CLYBL: variants seen among roughly 807,000 people sequenced by gnomAD.
The protein encoded by CLYBL is citramalyl-CoA lyase, mitochondrial.
CLYBL carries 31 observed loss-of-function variants against 38.9 expected under a neutral mutation model. The ratio of observed to expected loss-of-function variants is 0.80; its 90% CI spans 0.60 to 1.08. CLYBL has a LOEUF of 1.08. Among genes scored for constraint, CLYBL ranks in the 50% least tolerant of loss-of-function variants. The pLI is 0.00. For synonymous variants in CLYBL, 171 were observed against 158.6 expected (o/e 1.08, Z -0.59); for missense variants, 434 against 411.6 (o/e 1.05, Z -0.47).
At chr13:99,833,709 T>TA (rs1555315037) in intron 2 of CLYBL, among the ~76,000 whole-genome samples, 2 of 144,992 alleles carry the variant, frequency 1.4e-5, no homozygotes, top group African/African-American at 2.6e-5. Flanking sequence ...TTTTTTTTTT[T>TA]AGATGGAGTC....
rs34558107 is a variant in CLYBL, at chr13:99,668,273, T to TAAA, written c.62+61526_62+61528dup. Among the ~76,000 whole-genome samples, 303 of 146,034 alleles carry TAAA rather than the reference T, an allele frequency of 2.1e-3. 6 individuals carry two copies. The highest frequency in any genetic ancestry group is 9.4e-3 in the South Asian group (43 of 4,594). On this transcript the variant is annotated intron_variant, in intron 1 of 8. Coordinates refer to ENST00000339105, the MANE Select transcript of CLYBL (RefSeq NM_206808.5). The stretch of plus-strand genomic sequence containing the variant: ...TGGGCGACAGAGTGAGCCCTTGTCT[T>TAAA]AAAAAAAAAAAATCTTTAATAGAAC...
At chr13:99,725,123 C>T (rs1459343202) in intron 1 of CLYBL, among the ~76,000 whole-genome samples, 1 of 152,208 alleles carries the variant, frequency 6.6e-6, no homozygotes, top group African/African-American at 2.4e-5. Context: ...GCACTGCAGA[C>T]AGCTCTCTAA....
intron 2 of CLYBL, among the ~76,000 whole-genome samples, chr13:99,790,216 A>G (rs2049887027): frequency 6.6e-6 from 1 of 152,050 alleles, no homozygotes; most frequent in Admixed American, 6.6e-5. Context: ...TAATATTGTT[A>G]TGTGTGAATT....
In CLYBL at chr13:99,643,616, G is replaced by T. The variant is rs537652293; in HGVS notation, c.62+36859G>T. Among the ~76,000 whole-genome samples the T allele has an allele frequency of 2.6e-5, 4 of 152,306 alleles. No individual in the cohort carries two copies. The East Asian group carries it at 7.7e-4, about 29-fold the overall frequency. ...TACCACTTACTATTCTGTGCGCCTC[G>T]GTTCAGATTGTTTGGGGCAGTGGTG... On this transcript the variant is annotated intron_variant, in intron 1 of 8. Coordinates refer to ENST00000339105, the MANE Select transcript of CLYBL (RefSeq NM_206808.5).
At chr13:99,847,013 G>T (rs1175248692) in intron 2 of CLYBL, among the ~76,000 whole-genome samples, 1 of 152,192 alleles carries the variant, frequency 6.6e-6, no homozygotes, top group African/African-American at 2.4e-5. Flanking sequence ...ATATCTGTGT[G>T]AAGGGGACAA....
intron 1 of CLYBL, among the ~76,000 whole-genome samples, chr13:99,673,595 G>A (rs958146861): frequency 6.6e-6 from 1 of 152,198 alleles, no homozygotes; most frequent in African/African-American, 2.4e-5. Context: ...GAGCAGCCCT[G>A]TGTGTCCGTG....
chr13:99,693,076 A>G (rs538128346), intron 1 of CLYBL, among the ~76,000 whole-genome samples: 6 of 152,310 alleles, frequency 3.9e-5, no homozygotes, highest in African/African-American at 1.2e-4. Context: ...TTTGTTGGGT[A>G]TATAGCTAGG....
At chr13:99,763,832 C>T (rs935194224) in intron 1 of CLYBL, among the ~76,000 whole-genome samples, 6 of 152,086 alleles carry the variant, frequency 3.9e-5, no homozygotes, top group Non-Finnish European at 8.8e-5. Context: ...GGATTACAGG[C>T]GTGAGCCACC....
intron 8 of CLYBL, among the ~76,000 whole-genome samples, chr13:99,902,622 A>G (rs2052655110): frequency 6.6e-6 from 1 of 152,194 alleles, no homozygotes; most frequent in South Asian, 2.1e-4. Flanking sequence ...TGATTTTAGG[A>G]CTGCACCTTC....
chr13:99,628,886 G>A (rs2046905113), intron 1 of CLYBL, among the ~76,000 whole-genome samples: 1 of 152,234 alleles, frequency 6.6e-6, no homozygotes, highest in Non-Finnish European at 1.5e-5. Context: ...AGTGGGGAGA[G>A]AAAGGGAGGG....
intron 1 of CLYBL, among the ~76,000 whole-genome samples, chr13:99,658,932 A>G (rs959549230): frequency 2.0e-5 from 3 of 152,166 alleles, no homozygotes; most frequent in Non-Finnish European, 4.4e-5. Context: ...CTGTTTCCTA[A>G]TTTAGTATTC....
intron 1 of CLYBL, among the ~76,000 whole-genome samples, chr13:99,674,096 A>G (rs1223673965): frequency 6.8e-6 from 1 of 146,784 alleles, no homozygotes; most frequent in Non-Finnish European, 1.5e-5. Flanking sequence ...GACATGTTGA[A>G]TTTAAGATAG....
At chr13:99,710,326 G>T (rs1008707451) in intron 1 of CLYBL, among the ~76,000 whole-genome samples, 2 of 152,180 alleles carry the variant, frequency 1.3e-5, no homozygotes, top group Non-Finnish European at 2.9e-5. Flanking sequence ...AATGTCGCAA[G>T]GATGCATTCT....
At chr13:99,903,385 C>T (rs1045374256) in intron 8 of CLYBL, among the ~76,000 whole-genome samples, 6 of 151,342 alleles carry the variant, frequency 4.0e-5, no homozygotes, top group East Asian at 3.9e-4. Flanking sequence ...CACACACGCA[C>T]GCACACTGAC....
intron 1 of CLYBL, among the ~76,000 whole-genome samples, chr13:99,621,484 C>A (rs976776424): frequency 2.6e-5 from 4 of 152,180 alleles, no homozygotes; most frequent in Admixed American, 2.6e-4. Flanking sequence ...TTAAGGTGAT[C>A]GAGATGCAGA....
In CLYBL at chr13:99,695,759, TC is replaced by T. The variant is rs1258275404; in HGVS notation, c.63-77061del. Among the ~76,000 whole-genome samples, 7 of 152,118 alleles carry T rather than the reference TC, an allele frequency of 4.6e-5. No individual in the cohort carries two copies. In the East Asian group the frequency reaches 1.4e-3, roughly 29 times the overall value. ...GTCTCGAACTCCTGACCTTAGATGA[TC>T]CCCTGCCTTGGCCTCCCAAAGTGCT... On this transcript the variant is annotated intron_variant, in intron 1 of 8. Transcript: ENST00000339105.
intron 1 of CLYBL, among the ~76,000 whole-genome samples, chr13:99,643,966 T>A (rs1476330048): frequency 7.2e-6 from 1 of 139,650 alleles, no homozygotes; most frequent in Non-Finnish European, 1.5e-5. Context: ...GACTGCGCCA[T>A]TGCACTCCAG....
intron 2 of CLYBL, among the ~76,000 whole-genome samples, chr13:99,858,541 C>T (rs1205941037): frequency 1.3e-5 from 2 of 152,372 alleles, no homozygotes; most frequent in South Asian, 2.1e-4. Flanking sequence ...TCAGTGAAAA[C>T]TTACCCATTA....
chr13:99,866,247 A>T lies in CLYBL; in HGVS notation c.642A>T (p.Thr214=). 1 of 1,613,622 alleles carries T rather than the reference A, an allele frequency of 6.2e-7. No homozygotes were observed. Among genetic ancestry groups the T allele is most frequent in the Non-Finnish European group, 8.5e-7 (1 of 1,179,968 alleles). The change falls in exon 6 of 9, where the codon ACA becomes ACT. Residue 214 remains threonine (T), a synonymous_variant. Coordinates refer to ENST00000339105, the MANE Select transcript of CLYBL (RefSeq NM_206808.5). ...TTAACATCCCATTTTCAGGTGCAAC[A>T]AGTAGTAAAGAAACCCTGGATATTC... The part of the protein sequence containing the change: ...GEDFRASIGA[T]SSKETLDILY...
Sources: allele counts gnomAD v4.1 joint callset (sites outside exome capture counted in the v4.1 genomes callset), GRCh38; gene constraint gnomAD v4.1.1; transcripts MANE v1.5; gene names NCBI Gene and HGNC (gene_info 2026-07-23, HGNC 2026-07-21).